EXTL3: variants seen among roughly 807,000 people sequenced by gnomAD.
EXTL3 encodes exostosin-like 3.
EXTL3 carries 27 observed loss-of-function variants against 69.3 expected under a neutral mutation model. The ratio of observed to expected loss-of-function variants is 0.39; its 90% CI spans 0.29 to 0.54. The LOEUF (loss-of-function observed/expected upper bound fraction) is 0.54, where lower values mean the gene tolerates loss of function less well. Among genes scored for constraint, EXTL3 ranks in the 20% least tolerant of loss-of-function variants. The probability of loss-of-function intolerance (pLI) is 0.69; values close to 1 mark genes in which losing one functional copy is unlikely to be tolerated. For synonymous variants in EXTL3, 511 were observed against 499.4 expected, an observed-to-expected ratio of 1.02 and a Z score of -0.31; for missense variants, 1,003 against 1,231.8, an observed-to-expected ratio of 0.81 and a Z score of 2.78.
chr8:28,666,309 A>T (rs1167653141), intron 1 of EXTL3, among the ~76,000 whole-genome samples: 1 of 150,664 alleles, frequency 6.6e-6, no homozygotes, highest in Non-Finnish European at 1.5e-5. Flanking sequence ...ACAATGTCTC[A>T]CTCTGTCACC....
At position 28,676,985 on chromosome 8, in the gene EXTL3, G is replaced by A. The variant is rs1018651541; in HGVS notation, c.-52-36472G>A. ...CTTTGGGTAGCACTGGAATAGGCTC[G>A]TCTCTTGGCTACAAAGAGAAGGGAA... On this transcript the variant is annotated intron_variant, in intron 1 of 6. Transcript: ENST00000523149. Among the ~76,000 whole-genome samples, 7 of 152,148 alleles carry A rather than the reference G, an allele frequency of 4.6e-5. No individual in the cohort carries two copies. The South Asian group carries it at 6.2e-4, about 13-fold the overall frequency.
intron 1 of EXTL3, among the ~76,000 whole-genome samples, chr8:28,665,808 C>T (rs760379222): frequency 3.3e-5 from 5 of 152,096 alleles, no homozygotes; most frequent in Non-Finnish European, 5.9e-5. Context: ...TTATTCTTTT[C>T]TGGATAGGTT....
chr8:28,705,714 C>T (rs968105489), intron 1 of EXTL3, among the ~76,000 whole-genome samples: 5 of 152,148 alleles, frequency 3.3e-5, no homozygotes, highest in African/African-American at 4.8e-5. Context: ...AAGCGAAAAC[C>T]GTTAGATTAG....
chr8:28,608,308 T>C (rs1563423091), intron 2 of EXTL3, among the ~76,000 whole-genome samples: 1 of 152,030 alleles, frequency 6.6e-6, no homozygotes, highest in Non-Finnish European at 1.5e-5. Flanking sequence ...CTAGTGAGCT[T>C]GTGCATTTAG....
At chr8:28,722,501 C>T (rs888387352) in intron 3 of EXTL3, among the ~76,000 whole-genome samples, 3 of 151,880 alleles carry the variant, frequency 2.0e-5, no homozygotes, top group African/African-American at 4.8e-5. Flanking sequence ...TAGTGCCGGG[C>T]GCAGTGGCTC....
chr8:28,737,519 G>T lies in EXTL3; in HGVS notation c.2277G>T (p.Arg759=), dbSNP rs144474985. The change falls in exon 5 of 7, where the codon CGG becomes CGT. Residue 759 remains arginine (R), a splice_region_variant and synonymous_variant. Transcript: ENST00000220562. Reference sequence around the variant, plus strand: ...TGTGTATGCACTTGTGTTTTTCAAGGGTGTGGAGAGAAGCTCGGGACCGCA... The same window carrying T: ...TGTGTATGCACTTGTGTTTTTCAAGTGTGTGGAGAGAAGCTCGGGACCGCA... ...LRHDEIMFGF[R]VWREARDRIV... is the part of the protein sequence containing the mutation. 150 of 1,613,844 alleles carry T rather than the reference G, an allele frequency of 9.3e-5. 1 individual carries two copies. Among genetic ancestry groups the T allele is most frequent in the Admixed American group, 3.2e-4 (19 of 59,992 alleles).
chr8:28,622,813 A>C (rs1326310060), intron 1 of EXTL3: 1 of 152,216 alleles, frequency 6.6e-6, no homozygotes, highest in Non-Finnish European at 1.5e-5. Context: ...GCAGCGAGGT[A>C]GGGGCTCTTC....
intron 4 of EXTL3, 105 bp downstream of exon 4, chr8:28,731,455 C>A (rs1563220726): frequency 2.5e-6 from 3 of 1,209,894 alleles, no homozygotes; most frequent in Non-Finnish European, 3.6e-6. Context: ...GAACCCCTTG[C>A]AGATAGTCAG....
intron 1 of EXTL3, among the ~76,000 whole-genome samples, chr8:28,632,976 G>A (rs1164669504): frequency 2.0e-5 from 3 of 152,068 alleles, no homozygotes; most frequent in Non-Finnish European, 4.4e-5. Flanking sequence ...TATTAAATCT[G>A]GCCCATTGTC....
At chr8:28,617,833 A>G (rs1406816017), upstream of EXTL3, among the ~76,000 whole-genome samples, 1 of 152,338 alleles carries the variant, frequency 6.6e-6, no homozygotes, top group East Asian at 1.9e-4. Flanking sequence ...TGAAATTCTG[A>G]TACATGCTAC....
In EXTL3 at chr8:28,709,752, G is replaced by A. The variant is rs146173777; in HGVS notation, c.-569-3705G>A. On this transcript the variant is annotated intron_variant, in intron 1 of 6. Transcript: ENST00000220562. Reference sequence around the variant, plus strand: ...TCAACAAACTCTTGAAAGCAAGGCCGTGAGTAATGTTCCTGCAGATAATCG... The same window carrying A: ...TCAACAAACTCTTGAAAGCAAGGCCATGAGTAATGTTCCTGCAGATAATCG... Among the ~76,000 whole-genome samples, 28 of 152,302 alleles carry A rather than the reference G, an allele frequency of 1.8e-4. No individual in the cohort carries two copies. The East Asian group carries it at 2.7e-3, about 15-fold the overall frequency.
Position 28,740,282 on chromosome 8 carries a change from AT to A in EXTL3, c.2421+2622del, listed in dbSNP as rs1432555062. On this transcript the variant is annotated intron_variant, in intron 5 of 6. Transcript: ENST00000220562. ...GTGGCTCCTCGTTTTTCTTACACCT[AT>A]TTCTTTTTTTATTTTTATGAGACTG... 2.6e-5 allele frequency: 4 copies of A among 151,830 alleles called. No homozygotes were observed. The East Asian group carries it at 5.8e-4, about 22-fold the overall frequency. 9.4% of individuals were successfully genotyped at this position (151,830 alleles called of 1,614,324 possible). A position where few individuals can be genotyped will look rare whatever the true frequency, so the allele number is the denominator to read the frequency against.
At chr8:28,721,415 C>G (rs1177825707) in intron 3 of EXTL3, among the ~76,000 whole-genome samples, 1 of 152,152 alleles carries the variant, frequency 6.6e-6, no homozygotes, top group Admixed American at 6.5e-5. Flanking sequence ...TACACATTTC[C>G]TTTACAGGCC....
chr8:28,636,286 C>T (rs145074696), intron 1 of EXTL3, among the ~76,000 whole-genome samples: 3,838 of 150,146 alleles, frequency 0.026, 119 homozygotes, highest in African/African-American at 0.074. Flanking sequence ...GAGCCGAGAT[C>T]GCGCGACTGC....
upstream of EXTL3, among the ~76,000 whole-genome samples, chr8:28,619,317 C>A (rs112548266): frequency 4.8e-5 from 5 of 104,162 alleles, no homozygotes; most frequent in Non-Finnish European, 8.2e-5. Context: ...AAAAAAAAAC[C>A]CTGTGTGAGC....
chr8:28,697,242 T>A (rs2130688490), upstream of EXTL3: 1 of 152,332 alleles, frequency 6.6e-6, no homozygotes, highest in East Asian at 1.9e-4. Context: ...TGTGCCTCCC[T>A]CTTTTTTGGG....
At chr8:28,723,073 G>A (rs1406698523) in intron 3 of EXTL3, among the ~76,000 whole-genome samples, 1 of 152,140 alleles carries the variant, frequency 6.6e-6, no homozygotes, top group Non-Finnish European at 1.5e-5. Context: ...CAAGAGAGTG[G>A]AGATCATTCT....
intron 5 of EXTL3, chr8:28,742,097 G>C (rs1801793023): frequency 6.6e-6 from 1 of 152,036 alleles, no homozygotes; most frequent in African/African-American, 2.4e-5. Context: ...CACGGATTTG[G>C]GAAGAGATAC....
Position 28,747,293 on chromosome 8 carries a change from A to G in EXTL3, c.2551-3364A>G, listed in dbSNP as rs147837663. Among the ~76,000 whole-genome samples, 542 of 152,284 alleles carry G rather than the reference A, an allele frequency of 3.6e-3. 3 individuals carry two copies. The highest frequency in any genetic ancestry group is 0.013 in the African/African-American group (527 of 41,546). On this transcript the variant is annotated intron_variant, in intron 6 of 6. Transcript: ENST00000220562. ...ACGTGATCCCGAAGGGTTCTAAGAG[A>G]GCAGCAGTGAGTGAGGGGAGAAGTG...
Sources: allele counts gnomAD v4.1 joint callset (sites outside exome capture counted in the v4.1 genomes callset), GRCh38; gene constraint gnomAD v4.1.1; transcripts MANE v1.5; gene names NCBI Gene and HGNC (gene_info 2026-07-23, HGNC 2026-07-21).